Variants in HTR5A observed in about 807,000 individuals in gnomAD.
The protein encoded by HTR5A is 5-HT-5.
Under a neutral mutation model 24.3 loss-of-function variants are expected in HTR5A, and 21 were observed. That is an observed-to-expected ratio of 0.86 (90% CI 0.61 to 1.24). The LOEUF is 1.24. HTR5A is among the 50% of genes most tolerant of loss of function. The pLI, the probability that HTR5A is intolerant of heterozygous loss-of-function variation, is 0.00. For synonymous variants in HTR5A, 260 were observed against 213.7 expected (o/e 1.22, Z -1.89); for missense variants, 497 against 489.5 (o/e 1.02, Z -0.15).
chr7:155,076,168 T>A (rs576497969), intron 1 of HTR5A, among the ~76,000 whole-genome samples: 10 of 152,334 alleles, frequency 6.6e-5, no homozygotes, highest in African/African-American at 2.4e-4. Flanking sequence ...CACATGGTCA[T>A]CTGTTTGTCC....
In HTR5A at chr7:155,084,454, C is replaced by T. The variant is rs753047638; in HGVS notation, c.1041C>T (p.Ser347=). The T allele has an allele frequency of 2.0e-5, 33 of 1,613,190 alleles. No homozygotes were observed. Among genetic ancestry groups the T allele is most frequent in the South Asian group, 3.3e-5 (3 of 90,994 alleles). ...IYTAFNKNYN[S]AFKNFFSRQH ...CGGCTTTCAACAAGAACTACAACAG[C>T]GCCTTCAAGAACTTCTTTTCTAGGC... is the stretch of plus-strand genomic sequence containing the variant. Residue 347 remains serine (S), a synonymous_variant, in exon 2 of 2, where the codon AGC becomes AGT. Coordinates refer to ENST00000287907, the MANE Select transcript of HTR5A (RefSeq NM_024012.4).
At chr7:155,074,172 C>T (rs1795336000) in intron 1 of HTR5A, among the ~76,000 whole-genome samples, 2 of 152,060 alleles carry the variant, frequency 1.3e-5, no homozygotes, top group Non-Finnish European at 2.9e-5. Flanking sequence ...CACAACACTT[C>T]TCTCTTGTTT....
rs1016903169 is a variant in HTR5A, at chr7:155,070,815, G to T, written c.-85G>T. On this transcript the variant is annotated 5_prime_UTR_variant, in exon 1 of 2. An upstream open reading frame in the 5' UTR gains an earlier in-frame stop. Transcript: ENST00000287907. The stretch of plus-strand genomic sequence containing the variant: ...CACTGGCCAGAGGTTGCAAACATCC[G>T]GATTGGCTCTGGGCACAGTGGCCGC... 3 of 1,401,660 alleles carry T rather than the reference G, an allele frequency of 2.1e-6. No individual in the cohort carries two copies. The highest frequency in any genetic ancestry group is 2.9e-6 in the Non-Finnish European group (3 of 1,037,562). The allele number at this position is 1,401,660 out of a possible 1,614,324, so 86.8% of individuals were successfully genotyped here.
In HTR5A at chr7:155,070,720, AC is replaced by A; in HGVS notation, c.-178del. 3.0e-6 allele frequency: 2 copies of A among 675,974 alleles called. No homozygotes were observed. The highest frequency in any genetic ancestry group is 3.7e-5 in the South Asian group (2 of 53,506). The allele number at this position is 675,974 out of a possible 1,614,324, so 41.9% of individuals were successfully genotyped here. On this transcript the variant is annotated 5_prime_UTR_variant, in exon 1 of 2. Transcript: ENST00000287907. Reference sequence around the variant, plus strand: ...TCAGACCTGCCGCGCTTGCAGCCACACCATCTCCAACGGATGCTCACTAGCA... The same window carrying A: ...TCAGACCTGCCGCGCTTGCAGCCACACATCTCCAACGGATGCTCACTAGCA...
At chr7:155,073,482 A>G (rs1192600710) in intron 1 of HTR5A, among the ~76,000 whole-genome samples, 2 of 152,102 alleles carry the variant, frequency 1.3e-5, no homozygotes, top group African/African-American at 4.8e-5. Flanking sequence ...ACTCTGATCT[A>G]TTAGATTTCT....
At chr7:155,073,877 GTATATATATATGTATATATATATATA>G (rs1795328310) in intron 1 of HTR5A, among the ~76,000 whole-genome samples, 3 of 8,008 alleles carry the variant, frequency 3.7e-4, no homozygotes, top group African/African-American at 4.7e-4. Flanking sequence ...ATATATATAT[GTATATATATATGTATATATATATATA>G]TATATATATA....
chr7:155,086,639 C>T lies in HTR5A; in HGVS notation c.*2152C>T, dbSNP rs1311730564. On this transcript the variant is annotated 3_prime_UTR_variant, in exon 2 of 2. Coordinates refer to ENST00000287907, the MANE Select transcript of HTR5A (RefSeq NM_024012.4). Reference sequence around the variant, plus strand: ...TTATATACAACATACTCCACATACACTATCTAGAGCAAGAAACATTCCACA... The same window carrying T: ...TTATATACAACATACTCCACATACATTATCTAGAGCAAGAAACATTCCACA... Among the ~76,000 whole-genome samples, 3 of 152,164 alleles carry T rather than the reference C, an allele frequency of 2.0e-5. No individual in the cohort carries two copies. Among genetic ancestry groups the T allele is most frequent in the Admixed American group, 2.0e-4 (3 of 15,290 alleles).
chr7:155,085,365 G>A lies in HTR5A; in HGVS notation c.*878G>A, dbSNP rs1281708956. Reference sequence around the variant, plus strand: ...TTTATCCTCAAATCATGAGATTAGAGTAAAACAACTGCTGTAAGGTTGAGC... The same window carrying A: ...TTTATCCTCAAATCATGAGATTAGAATAAAACAACTGCTGTAAGGTTGAGC... On this transcript the variant is annotated 3_prime_UTR_variant, in exon 2 of 2. Coordinates refer to ENST00000287907, the MANE Select transcript of HTR5A (RefSeq NM_024012.4). The A allele has an allele frequency of 9.6e-6, 1 of 103,636 alleles. No individual in the cohort carries two copies. The highest frequency in any genetic ancestry group is 2.6e-5 in the Non-Finnish European group (1 of 38,200). 6.4% of individuals were successfully genotyped at this position (103,636 alleles called of 1,614,324 possible). A position where few individuals can be genotyped will look rare whatever the true frequency, so the allele number is the denominator to read the frequency against.
chr7:155,084,473 T>A lies in HTR5A; in HGVS notation c.1060T>A (p.Ser354Thr), dbSNP rs1282008785. The A allele has an allele frequency of 6.2e-7, 1 of 1,611,982 alleles. No individual in the cohort carries two copies. Among genetic ancestry groups the A allele is most frequent in the Admixed American group, 1.7e-5 (1 of 59,902 alleles). ...NYNSAFKNFF[S>T]RQH ...CAACAGCGCCTTCAAGAACTTCTTTTCTAGGCAACACTGAGGGAGAGGACC... is the reference window on the plus strand; with the variant it reads ...CAACAGCGCCTTCAAGAACTTCTTTACTAGGCAACACTGAGGGAGAGGACC... The change falls in exon 2 of 2, where the codon TCT (serine) becomes ACT (threonine). Residue 354 changes from serine (S) to threonine (T), a missense_variant. Coordinates refer to ENST00000287907, the MANE Select transcript of HTR5A (RefSeq NM_024012.4).
In HTR5A at chr7:155,071,175, G is replaced by A. The variant is rs779269148; in HGVS notation, c.276G>A (p.Leu92=). The A allele has an allele frequency of 4.4e-6, 7 of 1,602,854 alleles. No individual in the cohort carries two copies. The African/African-American group carries it at 6.7e-5, about 15-fold the overall frequency. The change falls in exon 1 of 2, where the codon CTG becomes CTA. Residue 92 remains leucine (L), a synonymous_variant. Transcript: ENST00000287907. ...TCTCGGATGTCCTGGTGGCCGCGCTGGTCATGCCGCTGAGCCTGGTGCACG... is the reference window on the plus strand; with the variant it reads ...TCTCGGATGTCCTGGTGGCCGCGCTAGTCATGCCGCTGAGCCTGGTGCACG... The part of the protein sequence containing the change: ...MAVSDVLVAA[L]VMPLSLVHEL...
rs1301005027 is a variant in HTR5A, at chr7:155,086,916, C to A, written c.*2429C>A. On this transcript the variant is annotated 3_prime_UTR_variant, in exon 2 of 2. Coordinates refer to ENST00000287907, the MANE Select transcript of HTR5A (RefSeq NM_024012.4). ...TGTTCCCGTGCCAGATTGCAACAAC[C>A]ACCTTTATTAGATGGTGCACCTAGA... 6.6e-6 allele frequency among the ~76,000 whole-genome samples: 1 copy of A among 152,140 alleles called. No homozygotes were observed. Among genetic ancestry groups the A allele is most frequent in the Non-Finnish European group, 1.5e-5 (1 of 68,030 alleles).
chr7:155,070,803 T>G lies in HTR5A; in HGVS notation c.-97T>G. Reference sequence around the variant, plus strand: ...CAGAAACTCCCCCACTGGCCAGAGGTTGCAAACATCCGGATTGGCTCTGGG... The same window carrying G: ...CAGAAACTCCCCCACTGGCCAGAGGGTGCAAACATCCGGATTGGCTCTGGG... On this transcript the variant is annotated 5_prime_UTR_variant, in exon 1 of 2. Transcript: ENST00000287907. 7.7e-7 allele frequency: 1 copy of G among 1,296,422 alleles called. No individual in the cohort carries two copies. Among genetic ancestry groups the G allele is most frequent in the Non-Finnish European group, 1.1e-6 (1 of 943,900 alleles). The allele number at this position is 1,296,422 out of a possible 1,614,324, so 80.3% of individuals were successfully genotyped here.
chr7:155,074,136 A>T (rs1171872230), intron 1 of HTR5A, among the ~76,000 whole-genome samples: 5 of 151,898 alleles, frequency 3.3e-5, no homozygotes, highest in Non-Finnish European at 7.4e-5. Flanking sequence ...GAGTTCTACC[A>T]CTAGCTAGCT....
Position 155,084,628 on chromosome 7 carries a change from G to T in HTR5A, c.*141G>T. On this transcript the variant is annotated 3_prime_UTR_variant, in exon 2 of 2. Coordinates refer to ENST00000287907, the MANE Select transcript of HTR5A (RefSeq NM_024012.4). ...CCAGGGTCATCTTCAGAACTGCACT[G>T]GCCTCTTTTCCACCTCCTCAGTAGG... is the stretch of plus-strand genomic sequence containing the variant. 1.4e-6 allele frequency: 1 copy of T among 706,158 alleles called. No individual in the cohort carries two copies. The highest frequency in any genetic ancestry group is 2.3e-6 in the Non-Finnish European group (1 of 426,158). 43.7% of individuals were successfully genotyped at this position (706,158 alleles called of 1,614,324 possible). A position where few individuals can be genotyped will look rare whatever the true frequency, so the allele number is the denominator to read the frequency against.
rs751769358 is a variant in HTR5A at position 155,071,098 on chromosome 7, C to G, written c.199C>G (p.Arg67Gly). Reference sequence around the variant, plus strand: ...CCTGCTGGTGCTGGCGACCATCCTCCGTGTACGCACCTTCCACCGCGTGCC... The same window carrying G: ...CCTGCTGGTGCTGGCGACCATCCTCGGTGTACGCACCTTCCACCGCGTGCC... ...WNLLVLATILRVRTFHRVPHN... is the reference protein window; with the variant it reads ...WNLLVLATILGVRTFHRVPHN... Residue 67 changes from arginine to glycine, a missense_variant, in exon 1 of 2, where the codon CGT becomes GGT. Arg to Gly is a moderately radical substitution (Grantham distance 125). Coordinates refer to ENST00000287907, the MANE Select transcript of HTR5A (RefSeq NM_024012.4). 2.1e-5 allele frequency: 34 copies of G among 1,607,218 alleles called. No individual in the cohort carries two copies. Among genetic ancestry groups the G allele is most frequent in the Non-Finnish European group, 2.9e-5 (34 of 1,179,996 alleles).
At chr7:155,082,615 A>G (rs1241740759) in intron 1 of HTR5A, among the ~76,000 whole-genome samples, 1 of 152,228 alleles carries the variant, frequency 6.6e-6, no homozygotes, top group Non-Finnish European at 1.5e-5. Context: ...AGGGTTGAAG[A>G]GTCCAGCTAG....
Position 155,087,168 on chromosome 7 carries a change from T to C in HTR5A, c.*2681T>C, listed in dbSNP as rs995068229. ...TCATTGTGCGGTAGTGAAAGACAAG[T>C]GGAAGATGTCCCTGAGTCTGTATTG... On this transcript the variant is annotated 3_prime_UTR_variant, in exon 2 of 2. Transcript: ENST00000287907. 6.6e-6 allele frequency among the ~76,000 whole-genome samples: 1 copy of C among 152,140 alleles called. No homozygotes were observed. Among genetic ancestry groups the C allele is most frequent in the Non-Finnish European group, 1.5e-5 (1 of 68,018 alleles).
At chr7:155,076,190 G>A (rs1795357273) in intron 1 of HTR5A, among the ~76,000 whole-genome samples, 1 of 152,212 alleles carries the variant, frequency 6.6e-6, no homozygotes, top group Admixed American at 6.5e-5. Context: ...GAGGTTCTTG[G>A]TTTAATGGCA....
In HTR5A at chr7:155,071,017, G is replaced by T; in HGVS notation, c.118G>T (p.Gly40Ter). 1.2e-6 allele frequency: 2 copies of T among 1,611,600 alleles called. No homozygotes were observed. The highest frequency in any genetic ancestry group is 1.7e-6 in the Non-Finnish European group (2 of 1,180,030). Residue 40 changes from glycine (G) to a stop codon, truncating the protein, a stop_gained, in exon 1 of 2, where the codon GGA becomes TGA. Transcript: ENST00000287907. LOFTEE classifies it high-confidence loss of function. ...CAGCTCGCCCCTGCTCTCGGTCTTC[G>T]GAGTGCTTATTCTCACCTTGCTGGG... Reference protein sequence around the residue: ...RPSSPLLSVFGVLILTLLGFL... With the variant: ...RPSSPLLSVF
Sources: gnomAD v4.1 joint callset for allele counts (sites outside exome capture counted in the v4.1 genomes callset) on GRCh38, gnomAD v4.1.1 for gene constraint, MANE v1.5 for transcripts, NCBI Gene and HGNC (gene_info 2026-07-23, HGNC 2026-07-21) for gene names.